The following FOXK2 variants were observed in gnomAD, a reference collection of about 807,000 sequenced individuals.
FOXK2 encodes the protein forkhead box K2.
Under a neutral mutation model 53.3 loss-of-function variants are expected in FOXK2, and 24 were observed. The observed-to-expected ratio is 0.45, with a 90% confidence interval of 0.33 to 0.63. The LOEUF (loss-of-function observed/expected upper bound fraction) is 0.63, where lower values mean the gene tolerates loss of function less well. Ranked by LOEUF, FOXK2 falls within the 30% of genes least tolerant of loss-of-function variation. FOXK2 has a pLI of 0.03. For missense variants in FOXK2, 952 were observed against 910.5 expected (o/e 1.05, Z -0.59); for synonymous variants, 505 against 407.1 (o/e 1.24, Z -2.89).
intron 7 of FOXK2, among the ~76,000 whole-genome samples, chr17:82,586,401 CGGGGGGGAAAGGAGGAG>C (rs2045159861): frequency 2.4e-5 from 1 of 41,192 alleles, no homozygotes; most frequent in Non-Finnish European, 4.4e-5. Context: ...GAAAGGTGGG[CGGGGGGGAAAGGAGGAG>C]AGGGGAGACC....
rs759639248 is a variant in FOXK2, at chr17:82,568,152, A to C, written c.713A>C (p.Asn238Thr). 6.2e-7 allele frequency: 1 copy of C among 1,613,596 alleles called. No homozygotes were observed. Among genetic ancestry groups the C allele is most frequent in the Non-Finnish European group, 8.5e-7 (1 of 1,179,950 alleles). Reference sequence around the variant, plus strand: ...TCTGACCTCAATTTAATGGCTGACAACTCACAGCCTGAAAATGAAAAGGAA... The same window carrying C: ...TCTGACCTCAATTTAATGGCTGACACCTCACAGCCTGAAAATGAAAAGGAA... ...MPSDLNLMAD[N>T]SQPENEKEAS... The change falls in exon 3 of 9, where the codon AAC (asparagine) becomes ACC (threonine). Residue 238 changes from asparagine (N) to threonine (T), a missense_variant. Asn to Thr is a moderately conservative substitution (Grantham distance 65). Transcript: ENST00000335255.
intron 1 of FOXK2, among the ~76,000 whole-genome samples, chr17:82,543,880 C>T (rs2044596939): frequency 2.0e-5 from 3 of 151,184 alleles, no homozygotes; most frequent in East Asian, 3.9e-4. Flanking sequence ...GGGTTCATGC[C>T]ATTCTCCTGC....
At chr17:82,556,063 A>G (rs2044721626) in intron 1 of FOXK2, among the ~76,000 whole-genome samples, 2 of 152,098 alleles carry the variant, frequency 1.3e-5, no homozygotes, top group Admixed American at 6.5e-5. Context: ...TATACTGTCT[A>G]TACAGAAAAG....
chr17:82,557,575 C>T (rs1434148980), intron 1 of FOXK2, among the ~76,000 whole-genome samples: 2 of 152,164 alleles, frequency 1.3e-5, no homozygotes, highest in African/African-American at 4.8e-5. Context: ...AACTCCTGAC[C>T]TCTGGTGATC....
rs59720257 is a variant in FOXK2, at chr17:82,543,774, C to CT, written c.420-19560dup. Among the ~76,000 whole-genome samples, 535 of 112,282 alleles carry CT rather than the reference C, an allele frequency of 4.8e-3. 4 individuals carry two copies. Among genetic ancestry groups the CT allele is most frequent in the South Asian group, 6.9e-3 (22 of 3,172 alleles). The allele number at this position is 112,282 out of a possible 152,430, so 73.7% of individuals were successfully genotyped here. A position where few individuals can be genotyped will look rare whatever the true frequency, so the allele number is the denominator to read the frequency against. ...TGGGACTACACGCCAGCATGCTTAG[C>CT]TTTTTTTTTTTTTTTTTTTTGAGAC... On this transcript the variant is annotated intron_variant, in intron 1 of 8. Coordinates refer to ENST00000335255, the MANE Select transcript of FOXK2 (RefSeq NM_004514.4).
intron 1 of FOXK2, among the ~76,000 whole-genome samples, chr17:82,556,917 A>G (rs112812901): frequency 2.0e-5 from 3 of 151,840 alleles, no homozygotes; most frequent in Admixed American, 6.6e-5. Flanking sequence ...TGGCCAGGCT[A>G]GTCTTGAACT....
At chr17:82,535,370 G>C (rs1204232153) in intron 1 of FOXK2, among the ~76,000 whole-genome samples, 1 of 152,106 alleles carries the variant, frequency 6.6e-6, no homozygotes, top group Non-Finnish European at 1.5e-5. Flanking sequence ...TAAAATTTTT[G>C]TCTTTCATTA....
rs770115350 is a variant in FOXK2 at position 82,571,854 on chromosome 17, C to A, written c.893C>A (p.Ala298Glu). The A allele has an allele frequency of 1.3e-6, 2 of 1,570,350 alleles. No homozygotes were observed. Among genetic ancestry groups the A allele is most frequent in the Non-Finnish European group, 1.7e-6 (2 of 1,162,692 alleles). ...ITKNYPYYRT[A>E]DKGWQNSIRH... ...AAAAATTATCCCTACTACAGGACTG[C>A]GGACAAGGGCTGGCAGGTAAATGCC... Residue 298 changes from alanine (A) to glutamate (E), a missense_variant, in exon 4 of 9, where the codon GCG becomes GAG. Ala to Glu is a moderately radical substitution (Grantham distance 107, BLOSUM62 -1). Coordinates refer to ENST00000335255, the MANE Select transcript of FOXK2 (RefSeq NM_004514.4).
intron 4 of FOXK2, among the ~76,000 whole-genome samples, chr17:82,572,735 A>G (rs544897328): frequency 3.9e-5 from 6 of 152,364 alleles, no homozygotes; most frequent in Non-Finnish European, 7.3e-5. Context: ...AGGAACATCT[A>G]TAGAATTTCT....
At chr17:82,576,604 G>T in intron 4 of FOXK2, 1 of 1,001,324 alleles carries the variant, frequency 1.0e-6, no homozygotes. Flanking sequence ...TTGGCTGGAG[G>T]GAGGACCCAG....
At chr17:82,535,218 C>T (rs543452424) in intron 1 of FOXK2, among the ~76,000 whole-genome samples, 3 of 152,320 alleles carry the variant, frequency 2.0e-5, no homozygotes, top group East Asian at 3.9e-4. Context: ...CAGCTGTTAA[C>T]AGTTATCCAG....
chr17:82,551,786 C>T (rs2044679364), intron 1 of FOXK2, among the ~76,000 whole-genome samples: 1 of 152,198 alleles, frequency 6.6e-6, no homozygotes, highest in Non-Finnish European at 1.5e-5. Flanking sequence ...TAATGTATTT[C>T]TCATTGTCTT....
At chr17:82,554,487 C>T (rs187947100) in intron 1 of FOXK2, among the ~76,000 whole-genome samples, 235 of 152,254 alleles carry the variant, frequency 1.5e-3, no homozygotes, top group African/African-American at 3.0e-3. Context: ...AGGATGTTTG[C>T]GACACTGAAT....
At chr17:82,520,825 C>T (rs948220117) in intron 1 of FOXK2, among the ~76,000 whole-genome samples, 5 of 152,094 alleles carry the variant, frequency 3.3e-5, no homozygotes, top group African/African-American at 9.7e-5. Context: ...CTCCTTTTTC[C>T]CTGCCGTGTT....
At chr17:82,557,040 T>TA (rs2044733604) in intron 1 of FOXK2, among the ~76,000 whole-genome samples, 3 of 146,836 alleles carry the variant, frequency 2.0e-5, no homozygotes, top group African/African-American at 7.7e-5. Flanking sequence ...TATTTTTTAT[T>TA]TTTTTTTTGA....
At chr17:82,533,143 A>G (rs1195197054) in intron 1 of FOXK2, among the ~76,000 whole-genome samples, 1 of 152,176 alleles carries the variant, frequency 6.6e-6, no homozygotes, top group African/African-American at 2.4e-5. Context: ...GGGCTGTTGT[A>G]TAGTTAACTT....
chr17:82,520,126 C>G lies in FOXK2; in HGVS notation c.238C>G (p.Leu80Val), dbSNP rs779848579. Reference sequence around the variant, plus strand: ...CTCGAGCTTCATCTCCCGGCGCCACCTCGAGATCTTCACGCCCCCGGGCGG... The same window carrying G: ...CTCGAGCTTCATCTCCCGGCGCCACGTCGAGATCTTCACGCCCCCGGGCGG... ...GHSSFISRRH[L>V]EIFTPPGGGG... Residue 80 changes from leucine (L) to valine (V), a missense_variant, in exon 1 of 9, where the codon CTC becomes GTC. By Grantham distance (32) the Leu-to-Val change is conservative. This residue lies in a region of FOXK2 where 163 missense variants were observed against 165.5 expected (regional missense o/e 0.98). Coordinates refer to ENST00000335255, the MANE Select transcript of FOXK2 (RefSeq NM_004514.4). 3 of 1,507,182 alleles carry G rather than the reference C, an allele frequency of 2.0e-6. No homozygotes were observed. Among genetic ancestry groups the G allele is most frequent in the Non-Finnish European group, 2.7e-6 (3 of 1,130,790 alleles). The allele number at this position is 1,507,182 out of a possible 1,614,324, so 93.4% of individuals were successfully genotyped here.
intron 1 of FOXK2, among the ~76,000 whole-genome samples, chr17:82,562,378 C>T (rs754946410): frequency 3.3e-5 from 5 of 152,142 alleles, no homozygotes; most frequent in African/African-American, 1.2e-4. Context: ...GTCGCGAGTT[C>T]GAGACCAGCC....
chr17:82,556,317 G>A (rs2044724018), intron 1 of FOXK2, among the ~76,000 whole-genome samples: 1 of 152,068 alleles, frequency 6.6e-6, no homozygotes, highest in Non-Finnish European at 1.5e-5. Flanking sequence ...GGTGGCGGGC[G>A]CCTGTAATCC....
Sources: gnomAD v4.1 joint callset for allele counts (sites outside exome capture counted in the v4.1 genomes callset) on GRCh38, gnomAD v4.1.1 for gene constraint, gnomAD v4.1.1 regional missense constraint, MANE v1.5 for transcripts, NCBI Gene and HGNC (gene_info 2026-07-23, HGNC 2026-07-21) for gene names.